C12orf56: variants seen among roughly 807,000 people sequenced by gnomAD.
C12orf56 encodes chromosome 12 open reading frame 56.
A neutral mutation model predicts 69.9 loss-of-function variants in C12orf56; 71 were observed. The observed-to-expected ratio is 1.02, with a 90% CI of 0.84 to 1.24. C12orf56 has a LOEUF of 1.24. C12orf56 is among the 50% of genes most tolerant of loss of function. The probability of loss-of-function intolerance (pLI) is 0.00; values close to 1 mark genes in which losing one functional copy is unlikely to be tolerated. For missense variants in C12orf56, 732 were observed against 738.5 expected, an observed-to-expected ratio of 0.99 and a Z score of 0.10; for synonymous variants, 276 against 274.1, an observed-to-expected ratio of 1.01 and a Z score of -0.07.
At position 64,380,793 on chromosome 12, in the gene C12orf56, C is replaced by A. The variant is rs752924935; in HGVS notation, c.252+9521G>T. The stretch of plus-strand genomic sequence containing the variant: ...CTGAGGTATAGAAGGGCATAAAGAA[C>A]GTGGGGAAGAGTGGTAGGAGATGAG... On this transcript the variant is annotated intron_variant, in intron 1 of 12. Transcript: ENST00000543942. Among the ~76,000 whole-genome samples the A allele has an allele frequency of 1.6e-4, 24 of 152,124 alleles. 1 individual carries two copies. The highest frequency in any genetic ancestry group is 3.4e-4 in the Non-Finnish European group (23 of 68,008).
chr12:64,340,622 T>C (rs1390314578), intron 2 of C12orf56, among the ~76,000 whole-genome samples: 1 of 152,218 alleles, frequency 6.6e-6, no homozygotes. Context: ...TTATGTCACA[T>C]GCTAAAGGAA....
At chr12:64,368,940 G>A (rs1285851717) in intron 1 of C12orf56, among the ~76,000 whole-genome samples, 3 of 152,076 alleles carry the variant, frequency 2.0e-5, no homozygotes, top group Non-Finnish European at 2.9e-5. Context: ...AAACCTACAG[G>A]AAATACTAAC....
At chr12:64,374,214 A>G (rs2039610511) in intron 1 of C12orf56, among the ~76,000 whole-genome samples, 1 of 152,218 alleles carries the variant, frequency 6.6e-6, no homozygotes, top group South Asian at 2.1e-4. Flanking sequence ...AAATTATTTC[A>G]GTGTTAGGCT....
At chr12:64,297,948 G>A (rs1225882371) in intron 6 of C12orf56, among the ~76,000 whole-genome samples, 1 of 152,154 alleles carries the variant, frequency 6.6e-6, no homozygotes, top group East Asian at 1.9e-4. Flanking sequence ...CTAGGTCCTT[G>A]TGGAATCGCC....
intron 6 of C12orf56, among the ~76,000 whole-genome samples, chr12:64,298,841 T>C (rs1210815942): frequency 2.6e-5 from 4 of 152,210 alleles, no homozygotes. Flanking sequence ...TTCTTTATGC[T>C]TAGGATTGTC....
chr12:64,279,073 T>C (rs1377614751), intron 8 of C12orf56, among the ~76,000 whole-genome samples: 1 of 151,976 alleles, frequency 6.6e-6, no homozygotes, highest in Non-Finnish European at 1.5e-5. Flanking sequence ...ACAGCATTTC[T>C]TTTTTTTAAA....
intron 1 of C12orf56, among the ~76,000 whole-genome samples, chr12:64,386,398 A>ATATTTAT (rs752756817): frequency 1.1e-5 from 1 of 87,344 alleles, no homozygotes; most frequent in South Asian, 3.4e-4. Flanking sequence ...ATATATATAT[A>ATATTTAT]TTTTTTTTTT....
intron 9 of C12orf56, 32 bp from the exon 10 acceptor site, chr12:64,275,404 C>G: frequency 3.0e-6 from 3 of 1,012,480 alleles, no homozygotes; most frequent in Non-Finnish European, 4.2e-6. Context: ...AATGCAATGT[C>G]ATAAGCCAAG....
chr12:64,312,802 C>A, intron 4 of C12orf56, 50 bp from the exon 5 acceptor site: 1 of 1,285,980 alleles, frequency 7.8e-7, no homozygotes, highest in South Asian at 1.3e-5. Flanking sequence ...TACTGAAGAT[C>A]AATTCCCCCT....
chr12:64,340,860 C>T (rs573795416), intron 2 of C12orf56, among the ~76,000 whole-genome samples: 1 of 152,266 alleles, frequency 6.6e-6, no homozygotes, highest in Admixed American at 6.5e-5. Context: ...GGTGGAGTGA[C>T]CCAAACCTTC....
intron 1 of C12orf56, among the ~76,000 whole-genome samples, chr12:64,385,069 A>AT (rs1167231721): frequency 6.6e-6 from 1 of 151,846 alleles, no homozygotes; most frequent in African/African-American, 2.4e-5. Flanking sequence ...AAAAAAAAAA[A>AT]AGTGTCTAAC....
chr12:64,300,355 AG>A (rs2038427564), intron 6 of C12orf56, among the ~76,000 whole-genome samples: 1 of 151,992 alleles, frequency 6.6e-6, no homozygotes, highest in Non-Finnish European at 1.5e-5. Flanking sequence ...TCCACAGCCT[AG>A]GCCACAGGTA....
At chr12:64,320,998 C>T (rs1329555375) in intron 3 of C12orf56, among the ~76,000 whole-genome samples, 1 of 152,214 alleles carries the variant, frequency 6.6e-6, no homozygotes, top group East Asian at 1.9e-4. Flanking sequence ...AGTCAACCTC[C>T]TCTGCTCAGC....
chr12:64,390,530 G>T lies in C12orf56; in HGVS notation c.36C>A (p.Arg12=), dbSNP rs774756287. The T allele has an allele frequency of 6.3e-7, 1 of 1,596,648 alleles. No individual in the cohort carries two copies. The highest frequency in any genetic ancestry group is 8.5e-7 in the Non-Finnish European group (1 of 1,178,050). The change falls in exon 1 of 13, where the codon CGC becomes CGA. Residue 12 remains arginine, a synonymous_variant. Coordinates refer to ENST00000543942, the MANE Select transcript of C12orf56 (RefSeq NM_001170633.2). ...GGAACACATCCAGGCGGCTGTTCCTGCGCGCGGGGAAGCCGGACGGCAAGG... is the reference window on the plus strand; with the variant it reads ...GGAACACATCCAGGCGGCTGTTCCTTCGCGCGGGGAAGCCGGACGGCAAGG... The part of the protein sequence containing the change: ...ASPLPSGFPA[R]RNSRLDVFLR...
In C12orf56 at chr12:64,283,532, C is replaced by G. The variant is rs950827218; in HGVS notation, c.1310+1132G>C. On this transcript the variant is annotated intron_variant, in intron 8 of 12. Coordinates refer to ENST00000543942, the MANE Select transcript of C12orf56 (RefSeq NM_001170633.2). ...TGTCCAACTACAGACACATTTCCAG[C>G]CTCTCCTGCAGCTAGGTGTGGCCAT... is the stretch of plus-strand genomic sequence containing the variant. 1.3e-5 allele frequency among the ~76,000 whole-genome samples: 2 copies of G among 152,216 alleles called. 1 individual carries two copies. The highest frequency in any genetic ancestry group is 2.9e-5 in the Non-Finnish European group (2 of 68,038).
intron 9 of C12orf56, among the ~76,000 whole-genome samples, chr12:64,276,440 A>G (rs2038051967): frequency 1.3e-5 from 2 of 152,156 alleles, no homozygotes; most frequent in Non-Finnish European, 2.9e-5. Flanking sequence ...TACCTAGATT[A>G]TGGCACTAAC....
At chr12:64,366,441 C>G (rs2135967147) in intron 1 of C12orf56, among the ~76,000 whole-genome samples, 1 of 31,450 alleles carries the variant, frequency 3.2e-5, no homozygotes, top group Non-Finnish European at 6.2e-5. Flanking sequence ...ATATAACATA[C>G]AGTTTATATA....
At chr12:64,355,020 G>A (rs1200082912) in intron 1 of C12orf56, among the ~76,000 whole-genome samples, 1 of 140,602 alleles carries the variant, frequency 7.1e-6, no homozygotes, top group Non-Finnish European at 1.5e-5. Context: ...GGAGGTTGCA[G>A]TCAGCTGAGA....
chr12:64,300,678 G>A (rs971312085), intron 6 of C12orf56, among the ~76,000 whole-genome samples: 8 of 152,044 alleles, frequency 5.3e-5, no homozygotes, highest in Non-Finnish European at 8.8e-5. Context: ...GATCTTCCTG[G>A]TGCCAAATGT....
Sources: gnomAD v4.1 joint callset for allele counts (sites outside exome capture counted in the v4.1 genomes callset) on GRCh38, gnomAD v4.1.1 for gene constraint, MANE v1.5 for transcripts, NCBI Gene and HGNC (gene_info 2026-07-23, HGNC 2026-07-21) for gene names.